The following NR2F6 variants were observed in gnomAD, a reference collection of about 807,000 sequenced individuals.
NR2F6 encodes ERBA-related gene-2.
Under a neutral mutation model 26.5 loss-of-function variants are expected in NR2F6, and 16 were observed. The ratio of observed to expected loss-of-function variants is 0.60; its 90% CI spans 0.41 to 0.92. NR2F6 has a LOEUF of 0.92. NR2F6 is among the 40% of genes least tolerant of loss of function. The pLI is 0.00. For missense variants in NR2F6, 536 were observed against 631.7 expected (o/e 0.85, Z 1.62); for synonymous variants, 325 against 305.0 (o/e 1.07, Z -0.68).
At position 17,235,907 on chromosome 19, in the gene NR2F6, G is replaced by C; in HGVS notation, c.532C>G (p.Pro178Ala). ...ELIAQLLRAE[P>A]YPAAAGRFGA... ...AAGCGTCCGGCCGCCGCAGGGTAGG[G>C]CTCAGCGCGCAGCAGCTGCGCGATC... Residue 178 changes from proline to alanine, a missense_variant, in exon 3 of 4, where the codon CCC (proline) becomes GCC (alanine). Physicochemically the swap from Pro to Ala is conservative, Grantham distance 27 (BLOSUM62 -1). Transcript: ENST00000291442. This position sits in a 1 kb window ranked among gnomAD's most constrained non-coding sequence, Gnocchi z 5.0. 1 of 1,477,084 alleles carries C rather than the reference G, an allele frequency of 6.8e-7. No individual in the cohort carries two copies. Among genetic ancestry groups the C allele is most frequent in the Non-Finnish European group, 8.9e-7 (1 of 1,120,982 alleles). 91.5% of individuals were successfully genotyped at this position (1,477,084 alleles called of 1,614,324 possible).
rs1460405188 is a variant in NR2F6, at chr19:17,235,626, G to A, written c.813C>T (p.Ala271=). ...AAAGLHAAPM[A]AERAVAFMDQ... ...CCATGAAAGCCACGGCGCGCTCGGC[G>A]GCCATAGGCGCGGCGTGGAGGCCGG... The change falls in exon 3 of 4, where the codon GCC becomes GCT. Residue 271 remains alanine, a synonymous_variant. Transcript: ENST00000291442. This position sits in a 1 kb window ranked among gnomAD's most constrained non-coding sequence, Gnocchi z 5.0. 6.5e-6 allele frequency: 10 copies of A among 1,546,794 alleles called. No homozygotes were observed. The highest frequency in any genetic ancestry group is 8.7e-6 in the Non-Finnish European group (10 of 1,155,126).
In NR2F6 at chr19:17,240,747, C is replaced by T. The variant is rs1390231676; in HGVS notation, c.297G>A (p.Gln99=). ...SYTCRSNRDC[Q]IDQHHRNQCQ... is the part of the protein sequence containing the mutation. ...ACTGGTTCCGGTGGTGCTGGTCGAT[C>T]TGGCAGTCACGGTTGGACCTGGGGG... The change falls in exon 2 of 4, where the codon CAG becomes CAA. Residue 99 remains glutamine, a synonymous_variant. Transcript: ENST00000291442. 1.9e-6 allele frequency: 3 copies of T among 1,614,150 alleles called. No individual in the cohort carries two copies. In the Admixed American group the frequency reaches 5.0e-5, roughly 27 times the overall value.
At position 17,232,480 on chromosome 19, in the gene NR2F6, C is replaced by A. The variant is rs2073412735; in HGVS notation, c.1087G>T (p.Val363Phe). ...AGCTGGGAGATGAGGGAGGCAGGGA[C>A]CGCGCGCAGGGCGGGGAGCCGCAGC... ...LLLRLPALRA[V>F]PASLISQLFF... The change falls in exon 4 of 4, where the codon GTC becomes TTC. Residue 363 changes from valine (V) to phenylalanine (F), a missense_variant. Val to Phe is a conservative substitution (Grantham distance 50). Transcript: ENST00000291442. The A allele has an allele frequency of 6.2e-7, 1 of 1,613,206 alleles. No individual in the cohort carries two copies. Among genetic ancestry groups the A allele is most frequent in the Non-Finnish European group, 8.5e-7 (1 of 1,179,786 alleles).
At chr19:17,232,723 G>A in intron 3 of NR2F6, 97 bp from the exon 4 acceptor site, 1 of 1,400,226 alleles carries the variant, frequency 7.1e-7, no homozygotes, top group South Asian at 1.4e-5. Context: ...CTGTGGGTAA[G>A]AACAGGGGGC....
At chr19:17,233,210 A>C (rs1220781339) in intron 3 of NR2F6, among the ~76,000 whole-genome samples, 1 of 152,094 alleles carries the variant, frequency 6.6e-6, no homozygotes, top group Non-Finnish European at 1.5e-5. Flanking sequence ...CCAGCTCCTC[A>C]AGAGGCTGAG....
rs73509906 is a variant in NR2F6, at chr19:17,240,631, G to A, written c.373+40C>T. 8,266 of 1,592,940 alleles carry A rather than the reference G, an allele frequency of 5.2e-3. 150 individuals are homozygous for A. The highest frequency in any genetic ancestry group is 0.052 in the African/African-American group (3,845 of 74,566). On this transcript the variant is annotated intron_variant, in intron 2 of 3. Coordinates refer to ENST00000291442, the MANE Select transcript of NR2F6 (RefSeq NM_005234.4). The stretch of plus-strand genomic sequence containing the variant: ...GCTGTTTGTTCACCCCGGCTCCAGC[G>A]GCTGTGATCGTCCCCAGTGTGTCCC...
At chr19:17,233,548 G>A (rs537652983) in intron 3 of NR2F6, among the ~76,000 whole-genome samples, 1 of 152,158 alleles carries the variant, frequency 6.6e-6, no homozygotes, top group African/African-American at 2.4e-5. Flanking sequence ...TGTCGCCCAG[G>A]CTGAAGTGTA....
At chr19:17,237,989 A>G (rs572674316) in intron 2 of NR2F6, among the ~76,000 whole-genome samples, 1 of 152,192 alleles carries the variant, frequency 6.6e-6, no homozygotes, top group South Asian at 2.1e-4. Flanking sequence ...AAAATTAAGA[A>G]ATTAGCCCAG....
Position 17,244,279 on chromosome 19 carries a change from C to A in NR2F6, c.278+664G>T, listed in dbSNP as rs2073484238. The A allele has an allele frequency of 2.0e-5, 3 of 152,632 alleles. 1 individual carries two copies. Among genetic ancestry groups the A allele is most frequent in the Middle Eastern group, 6.8e-3 (2 of 296 alleles). 9.5% of individuals were successfully genotyped at this position (152,632 alleles called of 1,614,324 possible). A position where few individuals can be genotyped will look rare whatever the true frequency, so the allele number is the denominator to read the frequency against. ...CAGTCAATTCCGGTGGCCCTGCCGG[C>A]CTTCCAGTGGCGATTTCCGGTGACC... On this transcript the variant is annotated intron_variant, in intron 1 of 3. Transcript: ENST00000291442.
At chr19:17,240,193 T>C (rs2073461556) in intron 2 of NR2F6, among the ~76,000 whole-genome samples, 1 of 152,004 alleles carries the variant, frequency 6.6e-6, no homozygotes, top group African/African-American at 2.4e-5. Context: ...GTTCCTGCCT[T>C]GGGCAAACAA....
intron 1 of NR2F6, among the ~76,000 whole-genome samples, chr19:17,242,828 C>A (rs2073476863): frequency 6.6e-6 from 1 of 152,198 alleles, no homozygotes; most frequent in African/African-American, 2.4e-5. Flanking sequence ...ACAGATCCAT[C>A]CCTCCAAGGA....
At chr19:17,239,389 G>A (rs868537935) in intron 2 of NR2F6, among the ~76,000 whole-genome samples, 4 of 146,854 alleles carry the variant, frequency 2.7e-5, no homozygotes, top group Non-Finnish European at 6.0e-5. Context: ...GGGCGCGGTG[G>A]CTTACGCCTG....
intron 2 of NR2F6, among the ~76,000 whole-genome samples, chr19:17,240,039 G>T (rs2073460746): frequency 6.6e-6 from 1 of 152,060 alleles, no homozygotes; most frequent in South Asian, 2.1e-4. Flanking sequence ...ATTCTAAGGG[G>T]GTTTGGCAGA....
At position 17,235,717 on chromosome 19, in the gene NR2F6, T is replaced by C; in HGVS notation, c.722A>G (p.Glu241Gly). Residue 241 changes from glutamate to glycine, a missense_variant, in exon 3 of 4, where the codon GAG becomes GGG. Glu to Gly is a moderately conservative substitution (Grantham distance 98). Coordinates refer to ENST00000291442, the MANE Select transcript of NR2F6 (RefSeq NM_005234.4). This position sits in a 1 kb window ranked among gnomAD's most constrained non-coding sequence, Gnocchi z 5.0. ...QVALLRLSWS[E>G]LFVLNAAQAA... ...CTGCGCCGCGTTCAGCACGAAGAGC[T>C]CGCTCCAGCTCAGGCGCAGCAGCGC... is the stretch of plus-strand genomic sequence containing the variant. 6.7e-7 allele frequency: 1 copy of C among 1,499,900 alleles called. No homozygotes were observed. The highest frequency in any genetic ancestry group is 1.5e-5 in the African/African-American group (1 of 68,698). The allele number at this position is 1,499,900 out of a possible 1,614,324, so 92.9% of individuals were successfully genotyped here. A position where few individuals can be genotyped will look rare whatever the true frequency, so the allele number is the denominator to read the frequency against.
At position 17,244,921 on chromosome 19, in the gene NR2F6, G is replaced by T. The variant is rs756979084; in HGVS notation, c.278+22C>A. The T allele has an allele frequency of 5.1e-6, 8 of 1,557,956 alleles. No homozygotes were observed. In the South Asian group the frequency reaches 5.9e-5, roughly 12 times the overall value. Reference sequence around the variant, plus strand: ...AGGTCGGGGCGGGGTGCACGGCGGCGGCGCGCGGATGGGGGGCTCACCGGC... The same window carrying T: ...AGGTCGGGGCGGGGTGCACGGCGGCTGCGCGCGGATGGGGGGCTCACCGGC... On this transcript the variant is annotated intron_variant, in intron 1 of 3. Coordinates refer to ENST00000291442, the MANE Select transcript of NR2F6 (RefSeq NM_005234.4).
At position 17,235,945 on chromosome 19, in the gene NR2F6, G is replaced by A; in HGVS notation, c.494C>T (p.Pro165Leu). 1.4e-6 allele frequency: 2 copies of A among 1,481,346 alleles called. No homozygotes were observed. The highest frequency in any genetic ancestry group is 1.8e-6 in the Non-Finnish European group (2 of 1,122,740). 91.8% of individuals were successfully genotyped at this position (1,481,346 alleles called of 1,614,324 possible). A position where few individuals can be genotyped will look rare whatever the true frequency, so the allele number is the denominator to read the frequency against. ...CAGCTGCGCGATCAGTTCGGACACC[G>A]GCTGCCCCGGGAAGAGGTCTCCGCC... ...ASGGDLFPGQ[P>L]VSELIAQLLR... Residue 165 changes from proline to leucine, a missense_variant, in exon 3 of 4, where the codon CCG (proline) becomes CTG (leucine). By Grantham distance (98) the Pro-to-Leu change is moderately conservative. Transcript: ENST00000291442. The surrounding 1 kb of genome is among the most constrained non-coding windows in gnomAD (Gnocchi z 5.0).
chr19:17,243,461 G>GC (rs60528322), intron 1 of NR2F6, among the ~76,000 whole-genome samples: 3,153 of 151,394 alleles, frequency 0.021, 111 homozygotes, highest in African/African-American at 0.071. Flanking sequence ...TCCAAGCAAG[G>GC]CCCCCCCCAC....
intron 1 of NR2F6, chr19:17,244,624 C>T (rs2145570205): frequency 3.2e-6 from 1 of 313,780 alleles, no homozygotes; most frequent in East Asian, 8.0e-5. Flanking sequence ...GGTTACCACC[C>T]CTGACAGCAC....
rs1000915703 is a variant in NR2F6 at position 17,235,389 on chromosome 19, C to CT, written c.940+109dup. 2.0e-6 allele frequency: 3 copies of CT among 1,491,234 alleles called. No homozygotes were observed. The highest frequency in any genetic ancestry group is 2.8e-5 in the African/African-American group (2 of 70,342). The allele number at this position is 1,491,234 out of a possible 1,614,324, so 92.4% of individuals were successfully genotyped here. ...TCACGGCGCGTGCAGGGCCCCAGGC[C>CT]TAGGGAGCGAGCGGGGCGCTATGGG... On this transcript the variant is annotated intron_variant, in intron 3 of 3. Coordinates refer to ENST00000291442, the MANE Select transcript of NR2F6 (RefSeq NM_005234.4). This position sits in a 1 kb window ranked among gnomAD's most constrained non-coding sequence, Gnocchi z 5.0.
Sources: allele counts gnomAD v4.1 joint callset (sites outside exome capture counted in the v4.1 genomes callset), GRCh38; gene constraint gnomAD v4.1.1; non-coding constraint Gnocchi (gnomAD v3.1); transcripts MANE v1.5; gene names NCBI Gene and HGNC (gene_info 2026-07-23, HGNC 2026-07-21).